Variants in HDAC5 observed in about 807,000 individuals in gnomAD.
HDAC5 encodes histone deacetylase 5, also known as antigen NY-CO-9.
HDAC5 carries 25 observed loss-of-function variants against 133.3 expected under a neutral mutation model. The observed-to-expected ratio is 0.19, with a 90% CI of 0.14 to 0.26. HDAC5 has a LOEUF of 0.26. Among genes scored for constraint, HDAC5 ranks in the 10% least tolerant of loss-of-function variants. The pLI is 1.00. For missense variants in HDAC5, 1,041 were observed against 1,460.5 expected (o/e 0.71, Z 4.68); for synonymous variants, 589 against 610.8 (o/e 0.96, Z 0.53).
intron 3 of HDAC5, among the ~76,000 whole-genome samples, chr17:44,101,927 A>C (rs1288415512): frequency 6.6e-6 from 1 of 152,226 alleles, no homozygotes; most frequent in African/African-American, 2.4e-5. Context: ...CTGGTGTTCA[A>C]CTTTATTCCT....
intron 3 of HDAC5, among the ~76,000 whole-genome samples, chr17:44,097,147 G>A (rs2051323002): frequency 6.6e-6 from 1 of 152,286 alleles, no homozygotes; most frequent in African/African-American, 2.4e-5. Flanking sequence ...CTGAATGGGT[G>A]TCACCAAGGC....
intron 2 of HDAC5, chr17:44,111,600 T>C (rs775650205): frequency 1.9e-6 from 1 of 517,920 alleles, no homozygotes; most frequent in South Asian, 1.4e-5. Flanking sequence ...GGTAAAGGAA[T>C]TGGAAGGGTC....
chr17:44,114,238 C>T (rs1268661187), intron 2 of HDAC5, among the ~76,000 whole-genome samples: 3 of 152,242 alleles, frequency 2.0e-5, no homozygotes, highest in African/African-American at 7.2e-5. Context: ...TGCCAGGGGG[C>T]ATCTCAGTAG....
At chr17:44,087,866 C>CA (rs1483246451) in intron 12 of HDAC5, among the ~76,000 whole-genome samples, 170 bp from the exon 13 acceptor site, 1 of 150,990 alleles carries the variant, frequency 6.6e-6, no homozygotes, top group Non-Finnish European at 1.5e-5. Flanking sequence ...TTTTTTGAGA[C>CA]AGAGTCTCCC....
rs573644050 is a variant in HDAC5 at position 44,078,889 on chromosome 17, G to T, written c.3079-10C>A. The T allele has an allele frequency of 2.5e-6, 4 of 1,613,870 alleles. No homozygotes were observed. Among genetic ancestry groups the T allele is most frequent in the Non-Finnish European group, 2.5e-6 (3 of 1,179,884 alleles). ...CATCCAAGGGCTGCAGCTGGCAGGG[G>T]AAAGAAGAGAAGGCTTAGGGTGGGG... is the stretch of plus-strand genomic sequence containing the variant. On this transcript the variant is annotated splice_polypyrimidine_tract_variant and intron_variant, in intron 24 of 26. Coordinates refer to ENST00000682912, the MANE Select transcript of HDAC5 (RefSeq NM_005474.5).
chr17:44,123,026 G>T lies in HDAC5; in HGVS notation c.-190+478C>A, dbSNP rs576339353. ...AAGTCAAGGACATAAAATCAAGGAT[G>T]CGTTCGTAGCTATGGGGAGAAGCGC... On this transcript the variant is annotated intron_variant, in intron 1 of 26. Coordinates refer to ENST00000682912, the MANE Select transcript of HDAC5 (RefSeq NM_005474.5). 3.9e-5 allele frequency among the ~76,000 whole-genome samples: 6 copies of T among 152,304 alleles called. No homozygotes were observed. The South Asian group carries it at 1.2e-3, about 32-fold the overall frequency.
chr17:44,086,301 A>C (rs879797661), intron 14 of HDAC5, among the ~76,000 whole-genome samples: 2 of 152,236 alleles, frequency 1.3e-5, no homozygotes, highest in Non-Finnish European at 2.9e-5. Context: ...CAACAGGGAC[A>C]GCAGGCTCTC....
rs1424952490 is a variant in HDAC5 at position 44,077,069 on chromosome 17, A to G, written c.*1307T>C. 6.5e-6 allele frequency: 1 copy of G among 152,846 alleles called. No individual in the cohort carries two copies. Among genetic ancestry groups the G allele is most frequent in the African/African-American group, 2.4e-5 (1 of 41,456 alleles). The allele number at this position is 152,846 out of a possible 1,614,324, so 9.5% of individuals were successfully genotyped here. On this transcript the variant is annotated 3_prime_UTR_variant, in exon 27 of 27. Coordinates refer to ENST00000682912, the MANE Select transcript of HDAC5 (RefSeq NM_005474.5). ...AATCCTGCTCAGGCCCCCATAGGATAATAAATATGTAAACAGATTGGTGGG... is the reference window on the plus strand; with the variant it reads ...AATCCTGCTCAGGCCCCCATAGGATGATAAATATGTAAACAGATTGGTGGG...
At chr17:44,108,271 C>T (rs2052097840) in intron 3 of HDAC5, among the ~76,000 whole-genome samples, 1 of 152,178 alleles carries the variant, frequency 6.6e-6, no homozygotes, top group Admixed American at 6.5e-5. Context: ...CTAAAGCTGT[C>T]TCTATTCACC....
At position 44,110,722 on chromosome 17, in the gene HDAC5, C is replaced by T. The variant is rs1238091939; in HGVS notation, c.94+7G>A. 1 of 1,611,920 alleles carries T rather than the reference C, an allele frequency of 6.2e-7. No homozygotes were observed. The highest frequency in any genetic ancestry group is 2.2e-5 in the East Asian group (1 of 44,850). ...CAGAGGGCAGGCAGGGACATCAAGG[C>T]ACTTACCTGTCACAGGGATGCTGTG... is the stretch of plus-strand genomic sequence containing the variant. On this transcript the variant is annotated splice_region_variant and intron_variant, in intron 3 of 26. Coordinates refer to ENST00000682912, the MANE Select transcript of HDAC5 (RefSeq NM_005474.5).
chr17:44,080,311 TACCCACACTGA>T, intron 22 of HDAC5, 79 bp downstream of exon 22: 1 of 1,539,044 alleles, frequency 6.5e-7, no homozygotes, highest in Non-Finnish European at 9.0e-7. Context: ...CAACCCCCTC[TACCCACACTGA>T]ACTGAGTGCC....
chr17:44,104,703 C>T (rs776517408), intron 3 of HDAC5, among the ~76,000 whole-genome samples: 1 of 152,228 alleles, frequency 6.6e-6, no homozygotes, highest in Non-Finnish European at 1.5e-5. Flanking sequence ...CCCTCAAAAA[C>T]ATTACTTAGC....
intron 1 of HDAC5, among the ~76,000 whole-genome samples, chr17:44,118,839 C>A (rs535149212): frequency 3.0e-4 from 46 of 152,294 alleles, no homozygotes; most frequent in Middle Eastern, 3.4e-3. Flanking sequence ...ATCAGCTCTG[C>A]CCCCCTAGAC....
intron 3 of HDAC5, among the ~76,000 whole-genome samples, chr17:44,097,819 G>A (rs1289000183): frequency 6.6e-6 from 1 of 152,254 alleles, no homozygotes; most frequent in Non-Finnish European, 1.5e-5. Context: ...CAGCAGTACT[G>A]GCTTCCCTTG....
intron 3 of HDAC5, among the ~76,000 whole-genome samples, chr17:44,094,546 A>T (rs1244178149): frequency 6.6e-6 from 1 of 150,478 alleles, no homozygotes; most frequent in Admixed American, 6.6e-5. Context: ...CTGAGGCAGG[A>T]GAATCGCTTG....
rs906175890 is a variant in HDAC5 at position 44,091,333 on chromosome 17, C to A, written c.1324G>T (p.Ala442Ser). 6.2e-7 allele frequency: 1 copy of A among 1,609,574 alleles called. No homozygotes were observed. The highest frequency in any genetic ancestry group is 1.1e-5 in the South Asian group (1 of 90,532). ...LEGDGSPHGH[A>S]SLLQHVLLLE... ...AACAGCACATGCTGCAGCAGGGAGGCATGCCCGTGGGGGCTCCCGTCGCCC... is the reference window on the plus strand; with the variant it reads ...AACAGCACATGCTGCAGCAGGGAGGAATGCCCGTGGGGGCTCCCGTCGCCC... Residue 442 changes from alanine to serine, a missense_variant, in exon 11 of 27, where the codon GCC (alanine) becomes TCC (serine). Transcript: ENST00000682912.
At position 44,092,747 on chromosome 17, in the gene HDAC5, G is replaced by A. The variant is rs769404582; in HGVS notation, c.701C>T (p.Thr234Met). 2.1e-6 allele frequency: 3 copies of A among 1,454,590 alleles called. No homozygotes were observed. Among genetic ancestry groups the A allele is most frequent in the South Asian group, 1.5e-5 (1 of 68,022 alleles). 90.1% of individuals were successfully genotyped at this position (1,454,590 alleles called of 1,614,324 possible). A position where few individuals can be genotyped will look rare whatever the true frequency, so the allele number is the denominator to read the frequency against. ...CAAAGGCAGTTTGTAGGAGGGAGGC[G>A]TCCCAGGGGGGCCGCTCTGGGGAGG... ...SSPPQSGPPGTPPSYKLPLPG... is the reference protein window; with the variant it reads ...SSPPQSGPPGMPPSYKLPLPG... The change falls in exon 7 of 27, where the codon ACG (threonine) becomes ATG (methionine). Residue 234 changes from threonine to methionine, a missense_variant. Transcript: ENST00000682912.
rs538515009 is a variant in HDAC5, at chr17:44,092,790, A to C, written c.658T>G (p.Ser220Ala). The change falls in exon 7 of 27, where the codon TCT (serine) becomes GCT (alanine). Residue 220 changes from serine (S) to alanine (A), a missense_variant. Physicochemically the swap from Ser to Ala is moderately conservative, Grantham distance 99. This residue lies in a region of HDAC5 where 56 missense variants were observed against 41.3 expected (regional missense o/e 1.36). Coordinates refer to ENST00000682912, the MANE Select transcript of HDAC5 (RefSeq NM_005474.5). Reference protein sequence around the residue: ...HPKCWGAHHASLDQSSPPQSG... With the variant: ...HPKCWGAHHAALDQSSPPQSG... ...TGGGGAGGGGAACTCTGGTCCAAAG[A>C]AGCATGGTGGGCTCCCCTGGGGTGG... The C allele has an allele frequency of 7.6e-6, 5 of 658,904 alleles. No homozygotes were observed. The highest frequency in any genetic ancestry group is 8.4e-6 in the Non-Finnish European group (4 of 474,478). 40.8% of individuals were successfully genotyped at this position (658,904 alleles called of 1,614,324 possible). A position where few individuals can be genotyped will look rare whatever the true frequency, so the allele number is the denominator to read the frequency against.
chr17:44,087,556 C>G lies in HDAC5; in HGVS notation c.1740G>C (p.Glu580Asp), dbSNP rs745586916. The change falls in exon 13 of 27, where the codon GAG becomes GAC. Residue 580 changes from glutamate to aspartate, a missense_variant. Glu to Asp is a conservative substitution (Grantham distance 45). Transcript: ENST00000682912. Reference sequence around the variant, plus strand: ...CCTCCTCCAGGTCTTCCTGTGTGCTCTCACTCTCTGTGGAGCCCTCCCGGG... The same window carrying G: ...CCTCCTCCAGGTCTTCCTGTGTGCTGTCACTCTCTGTGGAGCCCTCCCGGG... Reference protein sequence around the residue: ...TMPREGSTESESTQEDLEEED... With the variant: ...TMPREGSTESDSTQEDLEEED... 5.6e-6 allele frequency: 9 copies of G among 1,614,128 alleles called. No homozygotes were observed. Among genetic ancestry groups the G allele is most frequent in the Non-Finnish European group, 7.6e-6 (9 of 1,179,992 alleles).
Sources: gnomAD v4.1 joint callset for allele counts (sites outside exome capture counted in the v4.1 genomes callset) on GRCh38, gnomAD v4.1.1 for gene constraint, gnomAD v4.1.1 regional missense constraint, MANE v1.5 for transcripts, NCBI Gene and HGNC (gene_info 2026-07-23, HGNC 2026-07-21) for gene names.